TFDP1: variants seen among roughly 807,000 people sequenced by gnomAD.
The protein encoded by TFDP1 is DRTF1-polypeptide 1.
TFDP1 carries 6 observed loss-of-function variants against 48.0 expected under a neutral mutation model. The observed-to-expected ratio is 0.13, with a 90% confidence interval of 0.07 to 0.25. The LOEUF is 0.25. Ranked by LOEUF, TFDP1 falls within the 10% of genes least tolerant of loss-of-function variation. The probability of loss-of-function intolerance (pLI) is 1.00; values close to 1 mark genes in which losing one functional copy is unlikely to be tolerated. For synonymous variants in TFDP1, 201 were observed against 211.6 expected (o/e 0.95, Z 0.44); for missense variants, 335 against 543.0 (o/e 0.62, Z 3.81).
At chr13:113,616,458 G>T (rs1046092124) in intron 3 of TFDP1, among the ~76,000 whole-genome samples, 1 of 152,326 alleles carries the variant, frequency 6.6e-6, no homozygotes, top group East Asian at 1.9e-4. Context: ...ATGGCTGTGT[G>T]CAGTGCAGGC....
At position 113,631,477 on chromosome 13, in the gene TFDP1, G is replaced by A. The variant is rs1261748826; in HGVS notation, c.187-146G>A. The A allele has an allele frequency of 2.6e-5, 27 of 1,019,590 alleles. 1 individual carries two copies. Among genetic ancestry groups the A allele is most frequent in the South Asian group, 1.7e-4 (7 of 40,238 alleles). The allele number at this position is 1,019,590 out of a possible 1,614,324, so 63.2% of individuals were successfully genotyped here. ...CGTCACCGTGACAAAAGCGTCCACC[G>A]CTGGACGTTTTTCCTGCTCCGTCAT... On this transcript the variant is annotated intron_variant, in intron 4 of 11. Transcript: ENST00000375370.
chr13:113,599,547 A>G (rs1179695362), intron 2 of TFDP1, among the ~76,000 whole-genome samples: 1 of 152,216 alleles, frequency 6.6e-6, no homozygotes, highest in Admixed American at 6.5e-5. Flanking sequence ...CGAAACCCTC[A>G]AAGGTGTTGG....
rs1473045720 is a variant in TFDP1 at position 113,627,727 on chromosome 13, C to T, written c.187-3896C>T. 6.9e-6 allele frequency among the ~76,000 whole-genome samples: 1 copy of T among 145,598 alleles called. No individual in the cohort carries two copies. Among genetic ancestry groups the T allele is most frequent in the African/African-American group, 2.8e-5 (1 of 35,194 alleles). On this transcript the variant is annotated intron_variant, in intron 4 of 11. Transcript: ENST00000375370. This position sits in a 1 kb window ranked among gnomAD's most constrained non-coding sequence, Gnocchi z 4.1. ...AGCATTAGGTTCTCAGGAGCGCAAACCCCACTGTGAACGGCACATGCAGGA... is the reference window on the plus strand; with the variant it reads ...AGCATTAGGTTCTCAGGAGCGCAAATCCCACTGTGAACGGCACATGCAGGA...
chr13:113,625,674 C>CGTCTCTCACGTGTCCTCAGGT (rs2049141090), intron 4 of TFDP1, among the ~76,000 whole-genome samples: 1 of 42,724 alleles, frequency 2.3e-5, no homozygotes, highest in African/African-American at 1.3e-4. Context: ...TGTCCTCAGG[C>CGTCTCTCACGTGTCCTCAGGT]GTCTCTCACG....
intron 1 of TFDP1, chr13:113,585,171 G>T: frequency 6.8e-6 from 1 of 148,072 alleles, no homozygotes; most frequent in South Asian, 1.8e-4. Context: ...GCCGGGGCCG[G>T]GGCTGGGGCC....
intron 3 of TFDP1, among the ~76,000 whole-genome samples, chr13:113,614,055 T>C (rs1566656289): frequency 6.6e-6 from 1 of 151,216 alleles, no homozygotes; most frequent in East Asian, 2.0e-4. Context: ...GTGAGATGTG[T>C]GTTGTGTGCA....
At chr13:113,630,317 T>G (rs2049302371) in intron 4 of TFDP1, among the ~76,000 whole-genome samples, 1 of 152,240 alleles carries the variant, frequency 6.6e-6, no homozygotes, top group African/African-American at 2.4e-5. Flanking sequence ...CGCACTCTGA[T>G]GAGTCTCTGA....
chr13:113,632,443 A>G (rs2049361412), intron 5 of TFDP1, among the ~76,000 whole-genome samples: 1 of 152,238 alleles, frequency 6.6e-6, no homozygotes, highest in African/African-American at 2.4e-5. Flanking sequence ...ATTAGTCCTA[A>G]GAATTCCCAA....
chr13:113,636,775 C>A, intron 10 of TFDP1, 75 bp downstream of exon 10: 3 of 1,519,934 alleles, frequency 2.0e-6, no homozygotes, highest in Non-Finnish European at 2.7e-6. Context: ...CCTCCCCTCC[C>A]GGCTCGGGAT....
intron 3 of TFDP1, among the ~76,000 whole-genome samples, chr13:113,616,093 C>T (rs978058017): frequency 6.6e-6 from 1 of 151,736 alleles, no homozygotes; most frequent in Non-Finnish European, 1.5e-5. Context: ...ATCCCAGCTA[C>T]TCAGGAGGCT....
At chr13:113,635,945 A>G in intron 8 of TFDP1, 32 bp from the exon 9 acceptor site, 3 of 1,604,820 alleles carry the variant, frequency 1.9e-6, no homozygotes, top group Admixed American at 1.7e-5. Context: ...TTGTGCCGCC[A>G]CGGGCCACCT....
At chr13:113,614,378 C>T (rs529155814) in intron 3 of TFDP1, among the ~76,000 whole-genome samples, 2 of 152,168 alleles carry the variant, frequency 1.3e-5, no homozygotes, top group African/African-American at 4.8e-5. Context: ...GCAGGGTCCT[C>T]GGCGCCCTTA....
intron 2 of TFDP1, among the ~76,000 whole-genome samples, chr13:113,595,824 T>G (rs2048272644): frequency 6.6e-6 from 1 of 152,248 alleles, no homozygotes; most frequent in Non-Finnish European, 1.5e-5. Context: ...GGCTCACGCC[T>G]GTAATCCCAG....
chr13:113,608,617 C>A (rs561470631), intron 2 of TFDP1, among the ~76,000 whole-genome samples: 6 of 152,346 alleles, frequency 3.9e-5, no homozygotes, highest in Middle Eastern at 3.4e-3. Context: ...CACGCCTTAA[C>A]CTCCTGGCTG....
intron 2 of TFDP1, among the ~76,000 whole-genome samples, chr13:113,587,727 C>A (rs557994621): frequency 7.2e-4 from 109 of 152,130 alleles, no homozygotes; most frequent in Non-Finnish European, 9.1e-4. Context: ...CCTCAACAAT[C>A]CACCCGCCTT....
At chr13:113,639,154 G>T (rs1174057705) in intron 11 of TFDP1, among the ~76,000 whole-genome samples, 1 of 152,220 alleles carries the variant, frequency 6.6e-6, no homozygotes, top group East Asian at 1.9e-4. Context: ...TTTGACAGAG[G>T]CCGGTTCTCC....
chr13:113,625,321 T>TCTCAGGCGTCTCTCACGTGTC (rs751538795), intron 4 of TFDP1, among the ~76,000 whole-genome samples: 17 of 67,336 alleles, frequency 2.5e-4, no homozygotes, highest in Admixed American at 3.3e-4. Context: ...CTCACGTGTT[T>TCTCAGGCGTCTCTCACGTGTC]CTCAGGCGTC....
intron 2 of TFDP1, among the ~76,000 whole-genome samples, chr13:113,592,403 C>G (rs958856332): frequency 6.6e-6 from 1 of 152,228 alleles, no homozygotes; most frequent in Non-Finnish European, 1.5e-5. Flanking sequence ...GTGATCCGCC[C>G]GCCTTGGCCT....
chr13:113,625,820 C>T (rs113321718), intron 4 of TFDP1, among the ~76,000 whole-genome samples: 132 of 77,136 alleles, frequency 1.7e-3, no homozygotes, highest in Non-Finnish European at 2.4e-3. Context: ...GTGTCTCACG[C>T]GTCCTCAGGT....
Sources: allele counts gnomAD v4.1 joint callset (sites outside exome capture counted in the v4.1 genomes callset), GRCh38; gene constraint gnomAD v4.1.1; non-coding constraint Gnocchi (gnomAD v3.1); transcripts MANE v1.5; gene names NCBI Gene and HGNC (gene_info 2026-07-23, HGNC 2026-07-21).